CEP128: variants seen among roughly 807,000 people sequenced by gnomAD.
CEP128 encodes centrosomal protein 128, also known as centrosomal protein 128kDa.
Under a neutral mutation model 156.7 loss-of-function variants are expected in CEP128, and 132 were observed. The ratio of observed to expected loss-of-function variants is 0.84; its 90% CI spans 0.73 to 0.97. The LOEUF is 0.97. CEP128 is among the 50% of genes least tolerant of loss of function. The probability of loss-of-function intolerance (pLI) is 0.00; values close to 1 mark genes in which losing one functional copy is unlikely to be tolerated. For synonymous variants in CEP128, 469 were observed against 448.9 expected (o/e 1.04, Z -0.57); for missense variants, 1,252 against 1,281.9 (o/e 0.98, Z 0.36).
At chr14:80,884,177 C>A (rs1433514886) in intron 8 of CEP128, among the ~76,000 whole-genome samples, 2 of 152,142 alleles carry the variant, frequency 1.3e-5, no homozygotes, top group African/African-American at 4.8e-5. Context: ...GCAAAGATTT[C>A]TTGAGTAATA....
chr14:80,607,927 C>T (rs1892849699), intron 19 of CEP128, among the ~76,000 whole-genome samples: 1 of 152,200 alleles, frequency 6.6e-6, no homozygotes, highest in African/African-American at 2.4e-5. Context: ...TCTGCTGTCA[C>T]CTATTACAAC....
chr14:80,894,982 GA>G (rs1230515836), intron 8 of CEP128, among the ~76,000 whole-genome samples: 2 of 151,440 alleles, frequency 1.3e-5, no homozygotes, highest in Middle Eastern at 3.2e-3. Context: ...AACTTTCCTT[GA>G]AAAAAAGGTA....
chr14:80,885,411 C>A (rs561387159), intron 8 of CEP128, among the ~76,000 whole-genome samples: 2 of 152,258 alleles, frequency 1.3e-5, no homozygotes, highest in Middle Eastern at 3.4e-3. Flanking sequence ...CCCTCTGGAA[C>A]GAAGTTTCCA....
intron 24 of CEP128, among the ~76,000 whole-genome samples, chr14:80,497,997 A>T (rs1295211739): frequency 6.6e-6 from 1 of 152,126 alleles, no homozygotes; most frequent in African/African-American, 2.4e-5. Context: ...GTTTGTGTTT[A>T]CTGTTCTTTT....
intron 19 of CEP128, among the ~76,000 whole-genome samples, chr14:80,630,022 G>A (rs2140720516): frequency 6.6e-6 from 1 of 151,890 alleles, no homozygotes; most frequent in South Asian, 2.1e-4. Context: ...AAAATTTTAG[G>A]ATATTTTAAT....
chr14:80,585,063 CT>C (rs1891759708), intron 19 of CEP128, among the ~76,000 whole-genome samples: 1 of 152,160 alleles, frequency 6.6e-6, no homozygotes, highest in South Asian at 2.1e-4. Context: ...GGCAGCAGCC[CT>C]GTGTATTTTC....
At chr14:80,808,644 T>C (rs1453559504) in intron 13 of CEP128, among the ~76,000 whole-genome samples, 2 of 152,106 alleles carry the variant, frequency 1.3e-5, no homozygotes, top group Admixed American at 6.5e-5. Context: ...ATTGCCACTA[T>C]GAAGACCGAA....
At chr14:80,890,254 G>A (rs981960792) in intron 8 of CEP128, among the ~76,000 whole-genome samples, 5 of 152,166 alleles carry the variant, frequency 3.3e-5, no homozygotes, top group African/African-American at 7.2e-5. Context: ...AATAACATTT[G>A]ACCCAGCAAC....
At chr14:80,817,811 G>A (rs1884949110) in intron 13 of CEP128, among the ~76,000 whole-genome samples, 1 of 151,948 alleles carries the variant, frequency 6.6e-6, no homozygotes, top group Non-Finnish European at 1.5e-5. Context: ...AACCTGGGAG[G>A]CGGAGGTTGC....
chr14:80,784,609 G>A (rs990714453), intron 15 of CEP128, among the ~76,000 whole-genome samples: 2 of 152,098 alleles, frequency 1.3e-5, no homozygotes, highest in African/African-American at 2.4e-5. Flanking sequence ...ATGAGGGCAC[G>A]TTTCAGGTCC....
chr14:80,742,666 G>A (rs1898891858), intron 19 of CEP128: 12 of 164,258 alleles, frequency 7.3e-5, no homozygotes, highest in Admixed American at 7.2e-4. Flanking sequence ...CTAAATAAGG[G>A]TAGGGTTTTT....
rs556205449 is a variant in CEP128, at chr14:80,589,977, A to G, written c.2807-9554T>C. Among the ~76,000 whole-genome samples the G allele has an allele frequency of 2.0e-5, 3 of 152,276 alleles. No homozygotes were observed. The South Asian group carries it at 6.2e-4, about 32-fold the overall frequency. On this transcript the variant is annotated intron_variant, in intron 19 of 24. Coordinates refer to ENST00000555265, the MANE Select transcript of CEP128 (RefSeq NM_152446.5). ...ACTGAATTTGAAAATTCAGGTAACAAGCGTTTTACAATTCTCCTTCACACA... is the reference window on the plus strand; with the variant it reads ...ACTGAATTTGAAAATTCAGGTAACAGGCGTTTTACAATTCTCCTTCACACA...
intron 19 of CEP128, among the ~76,000 whole-genome samples, chr14:80,724,989 T>C (rs1897961060): frequency 6.9e-6 from 1 of 145,454 alleles, no homozygotes; most frequent in South Asian, 2.1e-4. Context: ...ATATCATATA[T>C]ACATATATCA....
At chr14:80,892,265 G>C (rs573790606) in intron 8 of CEP128, among the ~76,000 whole-genome samples, 1 of 151,894 alleles carries the variant, frequency 6.6e-6, no homozygotes, top group Admixed American at 6.6e-5. Flanking sequence ...AAACAGATAT[G>C]GTCAACTAAT....
chr14:80,680,379 C>G (rs1896270752), intron 19 of CEP128, among the ~76,000 whole-genome samples: 1 of 152,140 alleles, frequency 6.6e-6, no homozygotes, highest in Non-Finnish European at 1.5e-5. Context: ...TCCCACCCTT[C>G]GTGGATATAG....
At chr14:80,802,169 C>A (rs184355598) in intron 13 of CEP128, among the ~76,000 whole-genome samples, 1 of 152,072 alleles carries the variant, frequency 6.6e-6, no homozygotes, top group South Asian at 2.1e-4. Context: ...CCATTTCACC[C>A]AGCAATCCCA....
At chr14:80,600,053 G>T (rs1037105901) in intron 19 of CEP128, among the ~76,000 whole-genome samples, 4 of 152,072 alleles carry the variant, frequency 2.6e-5, no homozygotes, top group Non-Finnish European at 5.9e-5. Context: ...ATTCTTTTTT[G>T]TCATCATGTC....
chr14:80,696,825 A>G (rs946878039), intron 19 of CEP128, among the ~76,000 whole-genome samples: 1 of 152,202 alleles, frequency 6.6e-6, no homozygotes, highest in Admixed American at 6.6e-5. Flanking sequence ...TTAAACAGGA[A>G]TAAAATAAAG....
chr14:80,759,069 A>T (rs1478096314), intron 17 of CEP128, among the ~76,000 whole-genome samples: 1 of 152,234 alleles, frequency 6.6e-6, no homozygotes, highest in East Asian at 1.9e-4. Flanking sequence ...TATTTACTTG[A>T]GCTCTTGGAT....
Sources: gnomAD v4.1 joint callset for allele counts (sites outside exome capture counted in the v4.1 genomes callset) on GRCh38, gnomAD v4.1.1 for gene constraint, MANE v1.5 for transcripts, NCBI Gene and HGNC (gene_info 2026-07-23, HGNC 2026-07-21) for gene names.